The following RFX7 variants were observed in gnomAD, a reference collection of about 807,000 sequenced individuals.
RFX7 encodes the protein DNA-binding protein RFX7.
Under a neutral mutation model 111.8 loss-of-function variants are expected in RFX7, and 26 were observed. That is an observed-to-expected ratio of 0.23 (90% CI 0.17 to 0.32). RFX7 has a LOEUF of 0.32. RFX7 is among the 10% of genes least tolerant of loss of function. The probability of loss-of-function intolerance (pLI) is 1.00; values close to 1 mark genes in which losing one functional copy is unlikely to be tolerated. For missense variants in RFX7, 1,573 were observed against 1,772.9 expected (o/e 0.89, Z 2.02); for synonymous variants, 624 against 624.4 (o/e 1.00, Z 0.01).
chr15:56,230,550 A>T (rs1039009895), intron 2 of RFX7, among the ~76,000 whole-genome samples: 1 of 152,270 alleles, frequency 6.6e-6, no homozygotes, highest in African/African-American at 2.4e-5. Flanking sequence ...AAGTGCCTCT[A>T]AGAATGCAGT....
chr15:56,236,693 T>G (rs2141241472), intron 2 of RFX7, among the ~76,000 whole-genome samples: 1 of 152,330 alleles, frequency 6.6e-6, no homozygotes, highest in East Asian at 1.9e-4. Context: ...CTTATTTATA[T>G]AATTGAATCT....
At chr15:56,198,650 C>G (rs72738646) in intron 2 of RFX7, among the ~76,000 whole-genome samples, 19,843 of 152,086 alleles carry the variant, frequency 0.13, 1,712 homozygotes, top group East Asian at 0.45. Flanking sequence ...AAGGGATCTA[C>G]AGTTTGAGAG....
intron 5 of RFX7, among the ~76,000 whole-genome samples, chr15:56,141,047 C>T (rs183405680): frequency 6.6e-6 from 1 of 152,270 alleles, no homozygotes; most frequent in East Asian, 1.9e-4. Flanking sequence ...TTTATTTGCC[C>T]AATGTGCCTT....
intron 2 of RFX7, among the ~76,000 whole-genome samples, chr15:56,222,813 A>G (rs547732151): frequency 6.6e-4 from 100 of 151,752 alleles, no homozygotes; most frequent in Non-Finnish European, 1.2e-3. Context: ...GTCTATTTCT[A>G]TTTTTTTCCC....
intron 2 of RFX7, among the ~76,000 whole-genome samples, chr15:56,221,550 C>A (rs1488329792): frequency 6.6e-6 from 1 of 151,950 alleles, no homozygotes; most frequent in Non-Finnish European, 1.5e-5. Flanking sequence ...AATGTTTAAC[C>A]CATTTAAAGT....
chr15:56,128,014 A>C (rs574134386), intron 5 of RFX7, among the ~76,000 whole-genome samples: 5 of 152,344 alleles, frequency 3.3e-5, no homozygotes, highest in Admixed American at 3.3e-4. Flanking sequence ...GTATGACAAC[A>C]AATTGGATAA....
intron 3 of RFX7, among the ~76,000 whole-genome samples, chr15:56,165,120 C>T (rs1470071535): frequency 6.6e-6 from 1 of 152,078 alleles, no homozygotes; most frequent in East Asian, 1.9e-4. Flanking sequence ...AGGGTTTGTG[C>T]TCCTATAAGA....
intron 3 of RFX7, among the ~76,000 whole-genome samples, chr15:56,173,494 C>T (rs902176378): frequency 6.6e-6 from 1 of 152,272 alleles, no homozygotes; most frequent in Non-Finnish European, 1.5e-5. Context: ...ATAAAATGGA[C>T]CACAGGCCGG....
In RFX7 at chr15:56,141,018, G is replaced by A. The variant is rs559978428; in HGVS notation, c.401+1760C>T. ...ATACTCTGTATTCCCTCATTAGTCTGTTATGGAATTGTCACACATTTATTT... is the reference window on the plus strand; with the variant it reads ...ATACTCTGTATTCCCTCATTAGTCTATTATGGAATTGTCACACATTTATTT... On this transcript the variant is annotated intron_variant, in intron 5 of 9. Transcript: ENST00000559447. Among the ~76,000 whole-genome samples the A allele has an allele frequency of 6.6e-5, 10 of 152,272 alleles. No homozygotes were observed. The South Asian group carries it at 1.7e-3, about 25-fold the overall frequency.
intron 2 of RFX7, among the ~76,000 whole-genome samples, chr15:56,242,033 C>A (rs865848147): frequency 6.6e-6 from 1 of 152,128 alleles, no homozygotes; most frequent in Non-Finnish European, 1.5e-5. Context: ...GTTCATGCAA[C>A]GCCAGTTGCT....
chr15:56,226,475 C>A (rs755615337), intron 2 of RFX7, among the ~76,000 whole-genome samples: 1 of 152,016 alleles, frequency 6.6e-6, no homozygotes, highest in South Asian at 2.1e-4. Flanking sequence ...AGATACAGTA[C>A]ACCCTAGGGG....
rs1216828242 is a variant in RFX7, at chr15:56,243,452, C to T, written c.-10G>A. 15 of 984,554 alleles carry T rather than the reference C, an allele frequency of 1.5e-5. No individual in the cohort carries two copies. In the South Asian group the frequency reaches 5.6e-4, roughly 37 times the overall value. The allele number at this position is 984,554 out of a possible 1,614,324, so 61.0% of individuals were successfully genotyped here. ...GATAAGCTAGGCCTTTACCCCAGGG[C>T]TCGAGTGAGTCGCTTTCGCCTGCCG... On this transcript the variant is annotated 5_prime_UTR_variant, in exon 1 of 10. Transcript: ENST00000559447.
intron 5 of RFX7, among the ~76,000 whole-genome samples, chr15:56,110,377 G>C (rs1218009957): frequency 9.3e-6 from 1 of 107,142 alleles, no homozygotes; most frequent in Non-Finnish European, 2.0e-5. Flanking sequence ...GGTGGGGGGG[G>C]TCAGCCCCCC....
rs1333486702 is a variant in RFX7 at position 56,093,527 on chromosome 15, C to T, written c.4201G>A (p.Asp1401Asn). 6.2e-7 allele frequency: 1 copy of T among 1,613,820 alleles called. No homozygotes were observed. Among genetic ancestry groups the T allele is most frequent in the East Asian group, 2.2e-5 (1 of 44,864 alleles). ...SGSINDLNTLDPNLLFDPGRQ... is the reference protein window; with the variant it reads ...SGSINDLNTLNPNLLFDPGRQ... ...CCTGGATCAAACAGTAGATTTGGGT[C>T]TAAAGTGTTCAAATCATTGATGCTG... is the stretch of plus-strand genomic sequence containing the variant. Residue 1401 changes from aspartate to asparagine, a missense_variant, in exon 10 of 10, where the codon GAC becomes AAC. Physicochemically the swap from Asp to Asn is conservative, Grantham distance 23. This residue lies in a region of RFX7 where 411 missense variants were observed against 478.1 expected (regional missense o/e 0.86). Transcript: ENST00000559447.
intron 2 of RFX7, among the ~76,000 whole-genome samples, chr15:56,199,760 A>C (rs1203947923): frequency 1.3e-5 from 2 of 148,528 alleles, no homozygotes; most frequent in African/African-American, 2.4e-5. Context: ...GACTTAGAAG[A>C]ATCATTTTTC....
chr15:56,215,442 T>C (rs1381475102), intron 2 of RFX7, among the ~76,000 whole-genome samples: 1 of 152,184 alleles, frequency 6.6e-6, no homozygotes, highest in Admixed American at 6.5e-5. Context: ...CCTGCATCAA[T>C]TTAGATAATC....
intron 5 of RFX7, among the ~76,000 whole-genome samples, chr15:56,142,298 CT>C (rs1299744350): frequency 1.3e-5 from 2 of 152,106 alleles, no homozygotes; most frequent in Non-Finnish European, 2.9e-5. Flanking sequence ...GGACAACTCT[CT>C]TGTCCTTGAT....
intron 5 of RFX7, among the ~76,000 whole-genome samples, chr15:56,141,911 A>G (rs2042404738): frequency 6.6e-6 from 1 of 151,826 alleles, no homozygotes; most frequent in Non-Finnish European, 1.5e-5. Flanking sequence ...ACTTTCTTCT[A>G]GCTCCATTAT....
intron 2 of RFX7, among the ~76,000 whole-genome samples, chr15:56,227,156 G>A (rs2043494245): frequency 6.6e-6 from 1 of 152,106 alleles, no homozygotes; most frequent in Admixed American, 6.5e-5. Flanking sequence ...CTTTGCCACT[G>A]GCTTATAGTA....
Sources: gnomAD v4.1 joint callset for allele counts (sites outside exome capture counted in the v4.1 genomes callset) on GRCh38, gnomAD v4.1.1 for gene constraint, gnomAD v4.1.1 regional missense constraint, MANE v1.5 for transcripts, NCBI Gene and HGNC (gene_info 2026-07-23, HGNC 2026-07-21) for gene names.